Variants in ZFAT observed in about 807,000 individuals in gnomAD.
ZFAT encodes zinc finger and AT-hook domain containing, also known as zinc finger protein ZFAT.
In ZFAT, 64 loss-of-function variants were observed where a neutral mutation model predicts 117.7. The ratio of observed to expected loss-of-function variants is 0.54; its 90% CI spans 0.44 to 0.67. The LOEUF (loss-of-function observed/expected upper bound fraction) is 0.67. Ranked by LOEUF, ZFAT falls within the 30% of genes least tolerant of loss-of-function variation. The pLI is 0.00. For missense variants in ZFAT, 1,433 were observed against 1,584.5 expected (o/e 0.90, Z 1.62); for synonymous variants, 679 against 615.0 (o/e 1.10, Z -1.54).
chr8:134,714,186 G>A (rs776664945), upstream of ZFAT, among the ~76,000 whole-genome samples: 6 of 144,176 alleles, frequency 4.2e-5, no homozygotes, highest in African/African-American at 7.7e-5. Context: ...TGTGTTCATG[G>A]TTCCCCTGAA....
At chr8:134,700,391 T>A (rs945987933) in intron 1 of ZFAT, among the ~76,000 whole-genome samples, 2 of 152,070 alleles carry the variant, frequency 1.3e-5, no homozygotes, top group South Asian at 4.1e-4. Context: ...GCTAGATGGA[T>A]GGGGAGTTGA....
intron 12 of ZFAT, 21 bp from the exon 13 acceptor site, chr8:134,521,022 TAA>T: frequency 8.4e-6 from 12 of 1,424,672 alleles, no homozygotes; most frequent in Admixed American, 4.0e-5. Context: ...AGACAGAGGT[TAA>T]AAAAAAAATG....
At position 134,676,770 on chromosome 8, in the gene ZFAT, T is replaced by C. The variant is rs546394424; in HGVS notation, c.20-19033A>G. Among the ~76,000 whole-genome samples, 110 of 152,214 alleles carry C rather than the reference T, an allele frequency of 7.2e-4. 1 individual carries two copies. The Middle Eastern group carries it at 0.01, about 14-fold the overall frequency. ...TCTCTCAGACCACAGTGCAATCAAA[T>C]TAGAACTCAGGATTAAGAAACTCAC... On this transcript the variant is annotated intron_variant, in intron 1 of 15. Transcript: ENST00000377838.
intron 12 of ZFAT, among the ~76,000 whole-genome samples, chr8:134,530,212 T>A (rs1040644307): frequency 1.3e-5 from 2 of 152,274 alleles, no homozygotes; most frequent in Non-Finnish European, 2.9e-5. Flanking sequence ...TTTTTTATGA[T>A]GTTATTTTAA....
chr8:134,821,894 A>G, the ZFAT span, among the ~76,000 whole-genome samples: 2 of 152,172 alleles, frequency 1.3e-5, no homozygotes, highest in Admixed American at 6.5e-5. Context: ...TTCTAATTAA[A>G]TAACAACAAC....
the ZFAT span, among the ~76,000 whole-genome samples, chr8:134,759,803 T>C: frequency 6.6e-6 from 1 of 151,362 alleles, no homozygotes; most frequent in Non-Finnish European, 1.5e-5. Flanking sequence ...TGGTGAAACT[T>C]CTACTAAAAA....
At chr8:134,756,834 A>C in the ZFAT span, among the ~76,000 whole-genome samples, 1 of 152,208 alleles carries the variant, frequency 6.6e-6, no homozygotes, top group African/African-American at 2.4e-5. Context: ...CCACAAGCGC[A>C]GTTGCTGTGC....
intron 4 of ZFAT, among the ~76,000 whole-genome samples, chr8:134,609,624 G>T (rs1158923002): frequency 2.0e-5 from 3 of 152,166 alleles, no homozygotes; most frequent in Non-Finnish European, 4.4e-5. Context: ...AAAGGCTGTA[G>T]CTGTCCTTAA....
chr8:134,491,892 G>T lies in ZFAT; in HGVS notation c.3493-13171C>A, dbSNP rs539574086. ...GACATCTCTGGGGCACCACTGTCCT[G>T]CCAACCACTGTATCTTGGTATAGTC... On this transcript the variant is annotated intron_variant, in intron 15 of 15. Coordinates refer to ENST00000377838, the MANE Select transcript of ZFAT (RefSeq NM_020863.4). Among the ~76,000 whole-genome samples the T allele has an allele frequency of 4.6e-5, 7 of 152,250 alleles. No homozygotes were observed. In the East Asian group the frequency reaches 1.3e-3, roughly 29 times the overall value.
intron 1 of ZFAT, among the ~76,000 whole-genome samples, chr8:134,666,951 C>T (rs186823252): frequency 6.0e-4 from 91 of 152,260 alleles, no homozygotes; most frequent in African/African-American, 2.1e-3. Flanking sequence ...ACGCCAAGTG[C>T]GGCCATAAAA....
Position 134,478,451 on chromosome 8 carries a change from C to T in ZFAT, c.*31G>A, listed in dbSNP as rs1273281786. ...GGGTGCCTGCAGAGCCTGGCAGCCCCGCCCTGTGGCCATCCGATGCCACAT... is the reference window on the plus strand; with the variant it reads ...GGGTGCCTGCAGAGCCTGGCAGCCCTGCCCTGTGGCCATCCGATGCCACAT... On this transcript the variant is annotated 3_prime_UTR_variant, in exon 16 of 16. Transcript: ENST00000377838. This position sits in a 1 kb window ranked among gnomAD's most constrained non-coding sequence, Gnocchi z 5.2. 17 of 1,543,574 alleles carry T rather than the reference C, an allele frequency of 1.1e-5. No homozygotes were observed. Among genetic ancestry groups the T allele is most frequent in the Admixed American group, 3.9e-5 (2 of 50,912 alleles).
chr8:134,746,658 C>T, the ZFAT span, among the ~76,000 whole-genome samples: 1 of 152,104 alleles, frequency 6.6e-6, no homozygotes, highest in Non-Finnish European at 1.5e-5. Flanking sequence ...GTCTGAATCT[C>T]CAATGCAGTG....
rs145847897 is a variant in ZFAT at position 134,614,076 on chromosome 8, T to G, written c.449-3421A>C. Reference sequence around the variant, plus strand: ...GAACCATCCTCCTCCACCTAGACCCTAGAGGAACTGTTTTAAAAATCCAAA... The same window carrying G: ...GAACCATCCTCCTCCACCTAGACCCGAGAGGAACTGTTTTAAAAATCCAAA... On this transcript the variant is annotated intron_variant, in intron 3 of 15. Transcript: ENST00000377838. Among the ~76,000 whole-genome samples, 44 of 152,310 alleles carry G rather than the reference T, an allele frequency of 2.9e-4. No homozygotes were observed. In the East Asian group the frequency reaches 7.9e-3, roughly 27 times the overall value.
intron 3 of ZFAT, among the ~76,000 whole-genome samples, chr8:134,620,670 T>C (rs1194571926): frequency 6.6e-6 from 1 of 152,232 alleles, no homozygotes; most frequent in Non-Finnish European, 1.5e-5. Flanking sequence ...GATGGTAGGA[T>C]ACAGCGCAGG....
Position 134,610,652 on chromosome 8 carries a change from T to C in ZFAT, c.452A>G (p.Asn151Ser). The C allele has an allele frequency of 6.2e-7, 1 of 1,613,796 alleles. No individual in the cohort carries two copies. The change falls in exon 4 of 16, where the codon AAC becomes AGC. Residue 151 changes from asparagine to serine, a missense_variant. Asn to Ser is a conservative substitution (Grantham distance 46). Around this residue, in one of 5 missense-constraint regions of ZFAT, gnomAD observed 436 missense variants for 482.0 expected, o/e 0.90. Transcript: ENST00000377838. ...NLGEEEGEAG[N>S]ESDLELEKKC... Reference sequence around the variant, plus strand: ...CTTTTCTAGTTCAAGGTCAGACTCGTTACCTAAGGAGCAAATACCAAGATG... The same window carrying C: ...CTTTTCTAGTTCAAGGTCAGACTCGCTACCTAAGGAGCAAATACCAAGATG...
intron 3 of ZFAT, among the ~76,000 whole-genome samples, chr8:134,630,146 G>A (rs1341344423): frequency 3.3e-5 from 5 of 152,190 alleles, no homozygotes; most frequent in Admixed American, 3.3e-4. Context: ...TCACAGAGCA[G>A]GCAGGCAGGA....
the ZFAT span, among the ~76,000 whole-genome samples, chr8:134,790,544 C>T: frequency 6.6e-6 from 1 of 152,154 alleles, no homozygotes; most frequent in African/African-American, 2.4e-5. Context: ...AACTTCAGTG[C>T]GTACCATTTC....
intron 3 of ZFAT, among the ~76,000 whole-genome samples, chr8:134,611,578 G>C (rs1001362410): frequency 2.0e-5 from 3 of 152,232 alleles, no homozygotes; most frequent in Non-Finnish European, 2.9e-5. Flanking sequence ...GGCCTGGGGA[G>C]GGGGAGAAGC....
At chr8:134,639,211 G>C (rs1307580586) in intron 2 of ZFAT, among the ~76,000 whole-genome samples, 1 of 152,212 alleles carries the variant, frequency 6.6e-6, no homozygotes, top group African/African-American at 2.4e-5. Context: ...ACAACAGCCT[G>C]ACCACAGGGA....
Sources: allele counts gnomAD v4.1 joint callset (sites outside exome capture counted in the v4.1 genomes callset), GRCh38; gene constraint gnomAD v4.1.1; regional missense constraint gnomAD v4.1.1; non-coding constraint Gnocchi (gnomAD v3.1); transcripts MANE v1.5; gene names NCBI Gene and HGNC (gene_info 2026-07-23, HGNC 2026-07-21).